The following EPHA3 variants were observed in gnomAD, a reference collection of about 807,000 sequenced individuals.
EPHA3 encodes ephrin type-A receptor 3.
A neutral mutation model predicts 107.1 loss-of-function variants in EPHA3; 42 were observed. The observed-to-expected ratio is 0.39, with a 90% CI of 0.31 to 0.51. The LOEUF is 0.51. Among genes scored for constraint, EPHA3 ranks in the 20% least tolerant of loss-of-function variants. The pLI, the probability that EPHA3 is intolerant of heterozygous loss-of-function variation, is 0.78. For missense variants in EPHA3, 1,183 were observed against 1,211.2 expected, an observed-to-expected ratio of 0.98 and a Z score of 0.35; for synonymous variants, 461 against 424.8, an observed-to-expected ratio of 1.09 and a Z score of -1.05.
intron 15 of EPHA3, among the ~76,000 whole-genome samples, chr3:89,459,425 CTCTT>C (rs201423646): frequency 0.037 from 5,622 of 151,606 alleles, 135 homozygotes; most frequent in Middle Eastern, 0.055. Context: ...CTTTTTCTTA[CTCTT>C]TCTTTCTTTC....
At chr3:89,245,297 T>A (rs1705005252) in intron 3 of EPHA3, among the ~76,000 whole-genome samples, 1 of 152,228 alleles carries the variant, frequency 6.6e-6, no homozygotes, top group South Asian at 2.1e-4. Context: ...TATATAGTTA[T>A]TTGAAGAATA....
At chr3:89,479,365 A>C in intron 16 of EPHA3, 32 bp from the exon 17 acceptor site, 1 of 1,573,844 alleles carries the variant, frequency 6.4e-7, no homozygotes, top group Non-Finnish European at 8.7e-7. Context: ...TATCGAGGAA[A>C]CCGATTCTTA....
intron 3 of EPHA3, among the ~76,000 whole-genome samples, chr3:89,287,686 A>G (rs1419950375): frequency 1.3e-5 from 2 of 152,166 alleles, no homozygotes; most frequent in Non-Finnish European, 2.9e-5. Context: ...TTAATTTAGT[A>G]TTACATTTTT....
intron 3 of EPHA3, among the ~76,000 whole-genome samples, chr3:89,235,399 A>G (rs968936799): frequency 1.5e-4 from 23 of 152,202 alleles, no homozygotes; most frequent in Admixed American, 1.2e-3. Flanking sequence ...TATATTTTAC[A>G]TAAATATATC....
chr3:89,308,883 A>C (rs1251264329), intron 3 of EPHA3, among the ~76,000 whole-genome samples: 1 of 152,124 alleles, frequency 6.6e-6, no homozygotes, highest in African/African-American at 2.4e-5. Context: ...GACAAAGGCA[A>C]TGGATTCAGG....
intron 5 of EPHA3, among the ~76,000 whole-genome samples, chr3:89,359,687 G>A (rs969023073): frequency 5.5e-5 from 8 of 146,562 alleles, no homozygotes; most frequent in African/African-American, 1.5e-4. Flanking sequence ...GTGTGTGTGT[G>A]TATATACGTT....
chr3:89,364,886 C>T lies in EPHA3; in HGVS notation c.1306+22796C>T, dbSNP rs573716114. On this transcript the variant is annotated intron_variant, in intron 5 of 16. Transcript: ENST00000336596. ...CTCCTTGCTACTTTTCAAAGATTTC[C>T]TTAATATTTGTTTTATAAAGTGACT... is the stretch of plus-strand genomic sequence containing the variant. Among the ~76,000 whole-genome samples, 3 of 150,878 alleles carry T rather than the reference C, an allele frequency of 2.0e-5. No homozygotes were observed. The East Asian group carries it at 5.8e-4, about 29-fold the overall frequency.
At chr3:89,222,654 T>A (rs1238280934) in intron 3 of EPHA3, among the ~76,000 whole-genome samples, 1 of 151,952 alleles carries the variant, frequency 6.6e-6, no homozygotes, top group African/African-American at 2.4e-5. Flanking sequence ...TCTTTGTTTC[T>A]AAAAAATTGA....
At chr3:89,342,333 A>C (rs1707548304) in intron 5 of EPHA3, among the ~76,000 whole-genome samples, 1 of 152,080 alleles carries the variant, frequency 6.6e-6, no homozygotes, top group South Asian at 2.1e-4. Context: ...TGAAATCCTT[A>C]AATATTTGAG....
chr3:89,210,810 T>A (rs1704053924), intron 3 of EPHA3, among the ~76,000 whole-genome samples: 1 of 152,118 alleles, frequency 6.6e-6, no homozygotes. Flanking sequence ...GTAATCTAAT[T>A]CTAGACCACC....
chr3:89,194,844 C>A (rs1401360315), intron 2 of EPHA3, among the ~76,000 whole-genome samples: 1 of 151,956 alleles, frequency 6.6e-6, no homozygotes, highest in Non-Finnish European at 1.5e-5. Flanking sequence ...TGCAAATGCT[C>A]CTTTTCCAGC....
chr3:89,444,467 C>T (rs1043589148), intron 13 of EPHA3, among the ~76,000 whole-genome samples: 6 of 151,710 alleles, frequency 4.0e-5, no homozygotes, highest in Admixed American at 3.9e-4. Context: ...ATATTATTTG[C>T]TTGCCATAGA....
chr3:89,324,840 C>A lies in EPHA3; in HGVS notation c.815-16076C>A, dbSNP rs181735416. Among the ~76,000 whole-genome samples, 81 of 152,194 alleles carry A rather than the reference C, an allele frequency of 5.3e-4. 1 individual carries two copies. In the East Asian group the frequency reaches 0.013, roughly 25 times the overall value. On this transcript the variant is annotated intron_variant, in intron 3 of 16. Coordinates refer to ENST00000336596, the MANE Select transcript of EPHA3 (RefSeq NM_005233.6). ...GCATAATACCCACTTAATTTTTAAA[C>A]CCTTACCCACCTCCCTCTTTCCTTG...
At chr3:89,406,708 T>C (rs1033159099) in intron 7 of EPHA3, among the ~76,000 whole-genome samples, 33 of 152,302 alleles carry the variant, frequency 2.2e-4, no homozygotes, top group African/African-American at 7.9e-4. Context: ...GGGCAAGATT[T>C]GGCTCCTGGG....
intron 12 of EPHA3, among the ~76,000 whole-genome samples, chr3:89,429,396 C>A (rs1204773061): frequency 1.3e-5 from 2 of 151,958 alleles, no homozygotes; most frequent in Non-Finnish European, 2.9e-5. Context: ...CTTCAAAAGA[C>A]TCTTTTTATA....
At chr3:89,332,004 A>G (rs1707300356) in intron 3 of EPHA3, among the ~76,000 whole-genome samples, 1 of 152,172 alleles carries the variant, frequency 6.6e-6, no homozygotes, top group Non-Finnish European at 1.5e-5. Context: ...CTGAGTATAG[A>G]GTTGAGCTTT....
chr3:89,411,621 T>C (rs956883388), intron 9 of EPHA3, among the ~76,000 whole-genome samples: 2 of 151,918 alleles, frequency 1.3e-5, no homozygotes, highest in Admixed American at 6.6e-5. Context: ...CTATGAAAGC[T>C]TCACAAGAAC....
At position 89,227,248 on chromosome 3, in the gene EPHA3, T is replaced by C. The variant is rs202182706; in HGVS notation, c.814+16728T>C. Among the ~76,000 whole-genome samples the C allele has an allele frequency of 2.0e-5, 3 of 152,016 alleles. No individual in the cohort carries two copies. In the East Asian group the frequency reaches 5.8e-4, roughly 29 times the overall value. The stretch of plus-strand genomic sequence containing the variant: ...CAAAGTTCTCACATTGGGAAACATA[T>C]TATGGCTACAAAATGTTTAATCATT... On this transcript the variant is annotated intron_variant, in intron 3 of 16. Transcript: ENST00000336596.
intron 16 of EPHA3, among the ~76,000 whole-genome samples, chr3:89,473,057 A>G (rs1710438722): frequency 6.6e-6 from 1 of 152,236 alleles, no homozygotes; most frequent in African/African-American, 2.4e-5. Context: ...TGTGGTATAC[A>G]AGGAAACATA....
Sources: gnomAD v4.1 joint callset for allele counts (sites outside exome capture counted in the v4.1 genomes callset) on GRCh38, gnomAD v4.1.1 for gene constraint, MANE v1.5 for transcripts, NCBI Gene and HGNC (gene_info 2026-07-23, HGNC 2026-07-21) for gene names.